The following FLNB variants were observed in gnomAD, a reference collection of about 807,000 sequenced individuals.
FLNB encodes filamin B, also known as filamin-B.
In FLNB, 111 loss-of-function variants were observed where a neutral mutation model predicts 250.6. The ratio of observed to expected loss-of-function variants is 0.44; its 90% CI spans 0.38 to 0.52. The LOEUF is 0.52. Among genes scored for constraint, FLNB ranks in the 20% least tolerant of loss-of-function variants. The pLI is 0.00. For synonymous variants in FLNB, 1,302 were observed against 1,372.1 expected, an observed-to-expected ratio of 0.95 and a Z score of 1.13; for missense variants, 2,869 against 3,447.8, an observed-to-expected ratio of 0.83 and a Z score of 4.20.
chr3:58,014,194 A>G (rs563478970), intron 1 of FLNB, among the ~76,000 whole-genome samples: 1 of 152,370 alleles, frequency 6.6e-6, no homozygotes, highest in East Asian at 1.9e-4. Context: ...CTGAAAGGGC[A>G]TTTGAAATCA....
chr3:58,152,850 A>C, intron 38 of FLNB: 7 of 755,590 alleles, frequency 9.3e-6, no homozygotes, highest in Non-Finnish European at 1.2e-5. Context: ...AGTCGTTGGC[A>C]TGACGTGAGC....
chr3:58,103,340 T>C (rs1319319479), intron 9 of FLNB, among the ~76,000 whole-genome samples: 4 of 151,768 alleles, frequency 2.6e-5, no homozygotes, highest in Non-Finnish European at 5.9e-5. Context: ...GTGTGTGTTT[T>C]CTCCTGACCT....
intron 8 of FLNB, among the ~76,000 whole-genome samples, chr3:58,100,369 A>ATATATATATATATATATATATAT (rs1559692340): frequency 3.8e-5 from 1 of 26,618 alleles, no homozygotes; most frequent in African/African-American, 3.0e-4. Context: ...ATATGTAAAA[A>ATATATATATATATATATATATAT]AAAAATATAT....
chr3:58,012,991 G>T (rs558450302), intron 1 of FLNB, among the ~76,000 whole-genome samples: 1 of 152,200 alleles, frequency 6.6e-6, no homozygotes, highest in African/African-American at 2.4e-5. Flanking sequence ...TTGTAAGGTA[G>T]GCCCCTAGGC....
chr3:58,132,661 C>T, intron 25 of FLNB, 147 bp from the exon 26 acceptor site: 1 of 963,510 alleles, frequency 1.0e-6, no homozygotes, highest in Non-Finnish European at 1.6e-6. Flanking sequence ...TTTTTCAGGC[C>T]TGTGATTATG....
intron 1 of FLNB, among the ~76,000 whole-genome samples, chr3:58,048,956 T>C (rs2097158205): frequency 6.6e-6 from 1 of 152,254 alleles, no homozygotes; most frequent in South Asian, 2.1e-4. Context: ...TGTTGTCCTG[T>C]ATAATGGTTT....
intron 3 of FLNB, among the ~76,000 whole-genome samples, chr3:58,079,791 C>G (rs768770842): frequency 6.6e-6 from 1 of 152,204 alleles, no homozygotes; most frequent in Non-Finnish European, 1.5e-5. Flanking sequence ...CACCATGAGT[C>G]CCGTGTCCAA....
At chr3:58,136,607 T>C (rs1039307805) in intron 28 of FLNB, among the ~76,000 whole-genome samples, 5 of 152,166 alleles carry the variant, frequency 3.3e-5, no homozygotes, top group Admixed American at 6.5e-5. Flanking sequence ...TCTAGGTTTT[T>C]TTCATCATGC....
In FLNB at chr3:58,159,668, G is replaced by A. The variant is rs147537617; in HGVS notation, c.7003G>A (p.Val2335Met). Reference protein sequence around the residue: ...SPSGAVEECHVSELEPDKYAV... With the variant: ...SPSGAVEECHMSELEPDKYAV... Reference sequence around the variant, plus strand: ...CTCTGGAGCCGTGGAGGAGTGCCACGTGTCTGAGCTGGAGCCAGGTGAGCA... The same window carrying A: ...CTCTGGAGCCGTGGAGGAGTGCCACATGTCTGAGCTGGAGCCAGGTGAGCA... The change falls in exon 42 of 46, where the codon GTG becomes ATG. Residue 2335 changes from valine (V) to methionine (M), a missense_variant. By Grantham distance (21) the Val-to-Met change is conservative. Transcript: ENST00000295956. 1.1e-4 allele frequency: 179 copies of A among 1,613,592 alleles called. No individual in the cohort carries two copies. The highest frequency in any genetic ancestry group is 1.8e-4 in the East Asian group (8 of 44,896).
intron 41 of FLNB, among the ~76,000 whole-genome samples, chr3:58,158,019 A>C (rs2097355911): frequency 6.6e-6 from 1 of 152,014 alleles, no homozygotes; most frequent in Non-Finnish European, 1.5e-5. Context: ...CCACGCAAGC[A>C]ACATCTGGTG....
chr3:58,083,849 C>T (rs2097212923), intron 4 of FLNB, among the ~76,000 whole-genome samples: 3 of 152,092 alleles, frequency 2.0e-5, no homozygotes, highest in Admixed American at 6.6e-5. Context: ...CTTCAAAGCC[C>T]TCCTCCCATT....
At chr3:58,027,419 G>C (rs1246173609) in intron 1 of FLNB, among the ~76,000 whole-genome samples, 1 of 152,092 alleles carries the variant, frequency 6.6e-6, no homozygotes, top group Non-Finnish European at 1.5e-5. Flanking sequence ...AGGATTACAG[G>C]TGTGAGCCAC....
chr3:58,073,674 A>G (rs968896124), intron 1 of FLNB, among the ~76,000 whole-genome samples: 2 of 151,822 alleles, frequency 1.3e-5, no homozygotes, highest in Non-Finnish European at 2.9e-5. Flanking sequence ...ATGGCTTAAG[A>G]CCAGGTCCTC....
intron 1 of FLNB, among the ~76,000 whole-genome samples, chr3:58,027,278 G>T (rs2097124773): frequency 2.0e-5 from 3 of 151,628 alleles, no homozygotes; most frequent in South Asian, 2.1e-4. Context: ...TCAGCCCCCT[G>T]AGTAGCTGGG....
intron 1 of FLNB, among the ~76,000 whole-genome samples, chr3:58,047,721 G>A (rs891710563): frequency 2.0e-5 from 3 of 151,830 alleles, no homozygotes; most frequent in African/African-American, 7.3e-5. Context: ...TTACAGGCAC[G>A]GGCCACCATG....
At chr3:58,019,490 C>T (rs182651213) in intron 1 of FLNB, among the ~76,000 whole-genome samples, 87 of 152,284 alleles carry the variant, frequency 5.7e-4, no homozygotes, top group African/African-American at 1.9e-3. Context: ...CATCTGTTTC[C>T]ATTTTACAGA....
intron 11 of FLNB, among the ~76,000 whole-genome samples, chr3:58,106,412 C>G (rs2097259761): frequency 6.8e-6 from 1 of 146,914 alleles, no homozygotes; most frequent in Non-Finnish European, 1.5e-5. Context: ...TGCCTCGGCC[C>G]TCCCAAAGTG....
In FLNB at chr3:58,134,680, C is replaced by T. The variant is rs2097313186; in HGVS notation, c.4579C>T (p.Leu1527Phe). Residue 1527 changes from leucine to phenylalanine, a missense_variant, in exon 27 of 46, where the codon CTT becomes TTT. By Grantham distance (22) the Leu-to-Phe change is conservative. Around this residue, in one of 5 missense-constraint regions of FLNB, gnomAD observed 126 missense variants for 182.0 expected, o/e 0.69. Transcript: ENST00000295956. ...ASKVTASGPG[L>F]SSYGVPASLP... ...CAAAGTGACTGCCAGTGGCCCCGGC[C>T]TTAGTTCCTATGGTGTGCCTGCCAG... The T allele has an allele frequency of 6.2e-7, 1 of 1,614,068 alleles. No individual in the cohort carries two copies. The highest frequency in any genetic ancestry group is 8.5e-7 in the Non-Finnish European group (1 of 1,180,024).
chr3:58,153,592 G>A lies in FLNB; in HGVS notation c.6585G>A (p.Lys2195=). Residue 2195 remains lysine, a synonymous_variant, in exon 39 of 46, where the codon AAG becomes AAA. Transcript: ENST00000295956. ...VGPLGEGGAH[K]VRAGGPGLER... is the part of the protein sequence containing the mutation. ...CACTTGGTGAAGGAGGCGCCCACAA[G>A]GTGCGGGCAGGAGGCCCTGGCCTGG... The A allele has an allele frequency of 1.2e-6, 2 of 1,614,160 alleles. 1 individual carries two copies. The highest frequency in any genetic ancestry group is 3.3e-4 in the Middle Eastern group (2 of 6,062).
Sources: allele counts gnomAD v4.1 joint callset (sites outside exome capture counted in the v4.1 genomes callset), GRCh38; gene constraint gnomAD v4.1.1; regional missense constraint gnomAD v4.1.1; transcripts MANE v1.5; gene names NCBI Gene and HGNC (gene_info 2026-07-23, HGNC 2026-07-21).